ARHGEF9: variants seen among roughly 807,000 people sequenced by gnomAD.
ARHGEF9 encodes the protein rho guanine nucleotide exchange factor 9.
ARHGEF9 carries 2 observed loss-of-function variants against 41.3 expected under a neutral mutation model. That is an observed-to-expected ratio of 0.05 (90% CI 0.02 to 0.15). The LOEUF is 0.15. Ranked by LOEUF, ARHGEF9 falls within the 10% of genes least tolerant of loss-of-function variation. The pLI, the probability that ARHGEF9 is intolerant of heterozygous loss-of-function variation, is 1.00. For synonymous variants in ARHGEF9, 160 were observed against 154.4 expected, an observed-to-expected ratio of 1.04 and a Z score of -0.27; for missense variants, 225 against 424.7, an observed-to-expected ratio of 0.53 and a Z score of 4.13.
chrX:63,681,544 T>G lies in ARHGEF9; in HGVS notation c.583-2972A>C, dbSNP rs1182391107. Among the ~76,000 whole-genome samples, 6 of 110,528 alleles carry G rather than the reference T, an allele frequency of 5.4e-5. 1 individual carries two copies. Among genetic ancestry groups the G allele is most frequent in the Non-Finnish European group, 9.5e-5 (5 of 52,818 alleles). On this transcript the variant is annotated intron_variant, in intron 4 of 9. Coordinates refer to ENST00000671741, the MANE Select transcript of ARHGEF9 (RefSeq NM_001353921.2). ...ATCAAAAGGGAAATTAAAAAATATC[T>G]TGAGACAAATGAAATTGAAAGCACA... is the stretch of plus-strand genomic sequence containing the variant.
intron 1 of ARHGEF9, among the ~76,000 whole-genome samples, chrX:63,728,094 G>A (rs1360913470): frequency 4.5e-5 from 5 of 112,018 alleles, no homozygotes; most frequent in Admixed American, 9.4e-5. Flanking sequence ...TCCAGAAGGC[G>A]TTAACAGCTG....
intron 1 of ARHGEF9, chrX:63,743,448 T>C (rs2055083591): frequency 8.9e-6 from 1 of 112,747 alleles, no homozygotes; most frequent in South Asian, 3.6e-4. Flanking sequence ...TTTGGCCACC[T>C]AATAGTGTAA....
chrX:63,741,741 G>A (rs1277008993), intron 1 of ARHGEF9, among the ~76,000 whole-genome samples: 2 of 112,753 alleles, frequency 1.8e-5, no homozygotes, highest in Non-Finnish European at 3.8e-5. Flanking sequence ...ATGCGTACAA[G>A]TATCCCTCAT....
intron 1 of ARHGEF9, among the ~76,000 whole-genome samples, chrX:63,726,044 A>AAC (rs1171665995): frequency 8.9e-6 from 1 of 112,175 alleles, no homozygotes; most frequent in African/African-American, 3.2e-5. Context: ...CATATATATG[A>AAC]ACACACACAC....
intron 1 of ARHGEF9, among the ~76,000 whole-genome samples, chrX:63,735,586 G>A (rs1443732715): frequency 1.8e-5 from 2 of 112,007 alleles, no homozygotes; most frequent in African/African-American, 3.2e-5. Flanking sequence ...GGGTCCTAAC[G>A]TCGTTAAATG....
At chrX:63,779,338 A>T (rs1569507769) in intron 1 of ARHGEF9, among the ~76,000 whole-genome samples, 2 of 112,449 alleles carry the variant, frequency 1.8e-5, no homozygotes, top group Non-Finnish European at 3.8e-5. Context: ...ACAGTTCCAC[A>T]TGGGTGGGGA....
intron 1 of ARHGEF9, among the ~76,000 whole-genome samples, chrX:63,764,943 T>C (rs2147806189): frequency 9.0e-6 from 1 of 111,492 alleles, no homozygotes; most frequent in South Asian, 3.8e-4. Flanking sequence ...CTGCACATCC[T>C]GCACGTGTAC....
rs1602135583 is a variant in ARHGEF9 at position 63,635,332 on chromosome X, C to T, written c.*2696G>A. 1.9e-6 allele frequency: 1 copy of T among 520,502 alleles called. No individual in the cohort carries two copies. 42.9% of individuals were successfully genotyped at this position (520,502 alleles called of 1,213,427 possible). On this transcript the variant is annotated 3_prime_UTR_variant, in exon 10 of 10. Coordinates refer to ENST00000671741, the MANE Select transcript of ARHGEF9 (RefSeq NM_001353921.2). ...TAGATGTCTGTCTTAGGACTCCCCA[C>T]AGCAGGTCCCATTGAACACACTAGC...
At chrX:63,781,060 T>A (rs1305900343) in intron 1 of ARHGEF9, among the ~76,000 whole-genome samples, 1 of 112,077 alleles carries the variant, frequency 8.9e-6, no homozygotes, top group Non-Finnish European at 1.9e-5. Context: ...TCTAAAACAG[T>A]GAAACAATGA....
At chrX:63,754,807 T>TA in intron 1 of ARHGEF9, 1 of 941,142 alleles carries the variant, frequency 1.1e-6, no homozygotes, top group Non-Finnish European at 1.3e-6. Context: ...GCTGATCGTT[T>TA]GTCCCTAGCT....
At chrX:63,648,380 C>G (rs2048279615) in intron 8 of ARHGEF9, among the ~76,000 whole-genome samples, 1 of 111,142 alleles carries the variant, frequency 9.0e-6, no homozygotes, top group South Asian at 3.8e-4. Flanking sequence ...AAATAAAATC[C>G]TTTACAGACA....
At chrX:63,681,054 C>T (rs2050593297) in intron 4 of ARHGEF9, among the ~76,000 whole-genome samples, 1 of 111,299 alleles carries the variant, frequency 9.0e-6, no homozygotes. Context: ...AGCTTTCCCT[C>T]CCCCATGCCC....
intron 7 of ARHGEF9, chrX:63,656,842 G>T (rs1449413712): frequency 1.8e-5 from 2 of 112,008 alleles, no homozygotes; most frequent in African/African-American, 6.5e-5. Context: ...TATTTGTAAT[G>T]AATTATTTCT....
chrX:63,777,978 G>A (rs534601383), intron 1 of ARHGEF9, among the ~76,000 whole-genome samples: 7 of 112,408 alleles, frequency 6.2e-5, no homozygotes, highest in East Asian at 2.8e-4. Flanking sequence ...TCTGGTGTCC[G>A]GAGGACAGTG....
At chrX:63,779,461 G>A (rs1286299682) in intron 1 of ARHGEF9, among the ~76,000 whole-genome samples, 1 of 111,382 alleles carries the variant, frequency 9.0e-6, no homozygotes, top group Admixed American at 9.5e-5. Context: ...CAGATCTTTT[G>A]AGAACTCACT....
chrX:63,737,727 T>A (rs1216847963), intron 1 of ARHGEF9, among the ~76,000 whole-genome samples: 1 of 112,068 alleles, frequency 8.9e-6, no homozygotes, highest in Admixed American at 9.4e-5. Flanking sequence ...GTTGCCTTCA[T>A]ATTCATGAGC....
chrX:63,729,295 G>T (rs1171649788), intron 1 of ARHGEF9, among the ~76,000 whole-genome samples: 1 of 111,290 alleles, frequency 9.0e-6, no homozygotes, highest in African/African-American at 3.3e-5. Flanking sequence ...CTGGAAAAAA[G>T]TGCTAAGGCC....
At position 63,637,844 on chromosome X, in the gene ARHGEF9, C is replaced by CTGTG. The variant is rs1331459987; in HGVS notation, c.*183_*184insCACA. 5.8e-6 allele frequency: 2 copies of CTGTG among 343,552 alleles called. No individual in the cohort carries two copies. The highest frequency in any genetic ancestry group is 9.3e-6 in the Non-Finnish European group (2 of 214,659). The allele number at this position is 343,552 out of a possible 1,213,427, so 28.3% of individuals were successfully genotyped here. A position where few individuals can be genotyped will look rare whatever the true frequency, so the allele number is the denominator to read the frequency against. Reference sequence around the variant, plus strand: ...CAGAAAACACTTTTGTTCCTTATCTCTCTGTGTGTGTGTGTGTGTGTGTGT... The same window carrying CTGTG: ...CAGAAAACACTTTTGTTCCTTATCTCTGTGTCTGTGTGTGTGTGTGTGTGTGTGT... On this transcript the variant is annotated 3_prime_UTR_variant, in exon 10 of 10. Transcript: ENST00000671741.
chrX:63,742,537 C>T (rs2055024095), intron 1 of ARHGEF9, among the ~76,000 whole-genome samples: 1 of 111,736 alleles, frequency 8.9e-6, no homozygotes, highest in Non-Finnish European at 1.9e-5. Context: ...GTGGCCTGAA[C>T]CAACTGGAGT....
Sources: gnomAD v4.1 joint callset for allele counts (sites outside exome capture counted in the v4.1 genomes callset) on GRCh38, gnomAD v4.1.1 for gene constraint, MANE v1.5 for transcripts, NCBI Gene and HGNC (gene_info 2026-07-23, HGNC 2026-07-21) for gene names.